CETN3: variants seen among roughly 807,000 people sequenced by gnomAD.
CETN3 encodes centrin 3, also known as centrin-3.
CETN3 carries 17 observed loss-of-function variants against 20.1 expected under a neutral mutation model. The observed-to-expected ratio is 0.85, with a 90% confidence interval of 0.58 to 1.27. The LOEUF (loss-of-function observed/expected upper bound fraction) is 1.27. Among genes scored for constraint, CETN3 ranks in the 50% most tolerant of loss-of-function variants. The pLI is 0.00. For missense variants in CETN3, 169 were observed against 191.2 expected (o/e 0.88, Z 0.69); for synonymous variants, 52 against 59.7 (o/e 0.87, Z 0.59).
chr5:90,409,499 C>T (rs1749565665), intron 1 of CETN3, 146 bp downstream of exon 1: 2 of 880,554 alleles, frequency 2.3e-6, no homozygotes, highest in Admixed American at 3.7e-5. Context: ...GGTGAGTGAT[C>T]CGGGCAGGCT....
chr5:90,407,849 GA>G lies in CETN3; in HGVS notation c.18-16del. On this transcript the variant is annotated splice_polypyrimidine_tract_variant and intron_variant, in intron 1 of 4. Transcript: ENST00000283122. The stretch of plus-strand genomic sequence containing the variant: ...CAAGCTCACTTCTATGAAATGGAAA[GA>G]AAAAGCCCTTAGTCCACTTTAATTC... 1 of 1,555,010 alleles carries G rather than the reference GA, an allele frequency of 6.4e-7. No individual in the cohort carries two copies.
intron 3 of CETN3, among the ~76,000 whole-genome samples, chr5:90,404,135 C>T (rs1246004846): frequency 6.6e-6 from 1 of 152,068 alleles, no homozygotes; most frequent in Non-Finnish European, 1.5e-5. Flanking sequence ...ATGCTAGGCC[C>T]TTTTCTAGGT....
rs1260052756 is a variant in CETN3 at position 90,394,078 on chromosome 5, T to TCATAA, written c.485_489dup (p.Thr164LeufsTer2). ...CTTGTAATTCTTTAAATGTCACCAGTCATAATAGCAATGAACTCCTCTTGG... is the reference window on the plus strand; with the variant it reads ...CTTGTAATTCTTTAAATGTCACCAGTCATAACATAATAGCAATGAACTCCTCTTGG... On this transcript the variant is annotated frameshift_variant, in exon 5 of 5. Coordinates refer to ENST00000283122, the MANE Select transcript of CETN3 (RefSeq NM_004365.4). LOFTEE classifies it high-confidence loss of function. 6.5e-7 allele frequency: 1 copy of TCATAA among 1,548,336 alleles called. No individual in the cohort carries two copies. Among genetic ancestry groups the TCATAA allele is most frequent in the Admixed American group, 1.8e-5 (1 of 56,464 alleles).
intron 1 of CETN3, 39 bp downstream of exon 1, chr5:90,409,606 C>T: frequency 6.2e-7 from 1 of 1,613,176 alleles, no homozygotes; most frequent in South Asian, 1.1e-5. Flanking sequence ...GGGCCCCGCT[C>T]CGGGGTGTGG....
chr5:90,396,666 A>C (rs1749143808), intron 4 of CETN3: 1 of 796,380 alleles, frequency 1.3e-6, no homozygotes, highest in Non-Finnish European at 1.8e-6. Flanking sequence ...AAATCCAAAA[A>C]GTACTTGTTA....
At chr5:90,408,382 C>T (rs1056012852) in intron 1 of CETN3, among the ~76,000 whole-genome samples, 1 of 152,122 alleles carries the variant, frequency 6.6e-6, no homozygotes, top group Non-Finnish European at 1.5e-5. Flanking sequence ...TTAGATTACA[C>T]GTTTTTAACA....
At position 90,399,459 on chromosome 5, in the gene CETN3, A is replaced by T; in HGVS notation, c.359T>A (p.Leu120Ter). The T allele has an allele frequency of 6.2e-7, 1 of 1,613,968 alleles. No individual in the cohort carries two copies. Among genetic ancestry groups the T allele is most frequent in the Non-Finnish European group, 8.5e-7 (1 of 1,179,914 alleles). ...TCTAGCAACACGTCGCAAATTCCTC[A>T]AGCTTATTTTACCTGAATCATCATC... is the stretch of plus-strand genomic sequence containing the variant. ...FDDDDSGKIS[L>*]RNLRRVAREL... Residue 120 changes from leucine (L) to a stop codon, truncating the protein, a stop_gained, in exon 4 of 5, where the codon TTG becomes TAG. Coordinates refer to ENST00000283122, the MANE Select transcript of CETN3 (RefSeq NM_004365.4). LOFTEE classifies it high-confidence loss of function.
intron 3 of CETN3, among the ~76,000 whole-genome samples, chr5:90,401,296 C>T (rs1159272939): frequency 6.6e-6 from 1 of 152,142 alleles, no homozygotes; most frequent in East Asian, 1.9e-4. Flanking sequence ...TATAATGACT[C>T]TCCTCCATGC....
At chr5:90,399,264 A>T in intron 4 of CETN3, 94 bp downstream of exon 4, 1 of 1,078,354 alleles carries the variant, frequency 9.3e-7, no homozygotes, top group Non-Finnish European at 1.4e-6. Flanking sequence ...AGTTAAGTTT[A>T]CAAAAAAGTC....
At chr5:90,406,329 A>C (rs1749438004) in intron 2 of CETN3, among the ~76,000 whole-genome samples, 1 of 151,980 alleles carries the variant, frequency 6.6e-6, no homozygotes, top group African/African-American at 2.4e-5. Flanking sequence ...ATTTGGAAAG[A>C]TTCAAACTGT....
Position 90,396,027 on chromosome 5 carries a change from T to C in CETN3, c.461-1920A>G, listed in dbSNP as rs1403556959. 4 of 890,894 alleles carry C rather than the reference T, an allele frequency of 4.5e-6. No homozygotes were observed. In the East Asian group the frequency reaches 4.8e-4, roughly 107 times the overall value. 55.2% of individuals were successfully genotyped at this position (890,894 alleles called of 1,614,324 possible). A position where few individuals can be genotyped will look rare whatever the true frequency, so the allele number is the denominator to read the frequency against. ...AGACCAAATCAGTGTTGAAAAAAAA[T>C]CCTTCACAATGGTAAAAATTATTAC... On this transcript the variant is annotated intron_variant, in intron 4 of 4. Coordinates refer to ENST00000283122, the MANE Select transcript of CETN3 (RefSeq NM_004365.4).
chr5:90,408,027 A>G (rs1749507317), intron 1 of CETN3, among the ~76,000 whole-genome samples, 193 bp from the exon 2 acceptor site: 1 of 152,162 alleles, frequency 6.6e-6, no homozygotes, highest in South Asian at 2.1e-4. Flanking sequence ...GCAAAACTAA[A>G]GAGTGTTACA....
At chr5:90,405,193 C>T (rs1199558721) in intron 3 of CETN3, among the ~76,000 whole-genome samples, 1 of 152,114 alleles carries the variant, frequency 6.6e-6, no homozygotes, top group Non-Finnish European at 1.5e-5. Context: ...TGTAGCCTCT[C>T]ATAAACTTTG....
chr5:90,407,459 T>G (rs754166810), intron 2 of CETN3, among the ~76,000 whole-genome samples: 13 of 152,134 alleles, frequency 8.5e-5, no homozygotes, highest in Non-Finnish European at 1.9e-4. Context: ...GCACCTTCCC[T>G]GGGAATGTAT....
At chr5:90,400,431 AT>A (rs1749255308) in intron 3 of CETN3, among the ~76,000 whole-genome samples, 2 of 152,124 alleles carry the variant, frequency 1.3e-5, no homozygotes, top group African/African-American at 4.8e-5. Flanking sequence ...AATCTATGGC[AT>A]AAAAATTGGT....
chr5:90,394,322 A>G (rs1270156822), intron 4 of CETN3, among the ~76,000 whole-genome samples: 1 of 152,078 alleles, frequency 6.6e-6, no homozygotes, highest in Non-Finnish European at 1.5e-5. Context: ...TAATGTGATA[A>G]ACATTACAAA....
chr5:90,404,896 T>C (rs1229131739), intron 3 of CETN3, among the ~76,000 whole-genome samples: 2 of 151,854 alleles, frequency 1.3e-5, no homozygotes, highest in East Asian at 3.8e-4. Context: ...TAAACCTGAA[T>C]ATTTACATAT....
chr5:90,407,916 T>G, intron 1 of CETN3, 82 bp from the exon 2 acceptor site: 1 of 1,218,058 alleles, frequency 8.2e-7, no homozygotes, highest in Non-Finnish European at 1.1e-6. Flanking sequence ...CCTTCTAAAT[T>G]TCAAAAAAGA....
intron 3 of CETN3, among the ~76,000 whole-genome samples, chr5:90,404,199 G>C (rs1344944370): frequency 6.6e-6 from 1 of 152,080 alleles, no homozygotes; most frequent in Admixed American, 6.5e-5. Context: ...AGAATACAAT[G>C]ATCCCCACTT....
Sources: allele counts gnomAD v4.1 joint callset (sites outside exome capture counted in the v4.1 genomes callset), GRCh38; gene constraint gnomAD v4.1.1; transcripts MANE v1.5; gene names NCBI Gene and HGNC (gene_info 2026-07-23, HGNC 2026-07-21).